Variants in PSMD5 observed in about 807,000 individuals in gnomAD.
The protein encoded by PSMD5 is proteasome 26S subunit, non-ATPase 5, also known as 26S proteasome non-ATPase regulatory subunit 5.
In PSMD5, 40 loss-of-function variants were observed where a neutral mutation model predicts 52.1. The observed-to-expected ratio is 0.77, with a 90% confidence interval of 0.60 to 1.00. PSMD5 has a LOEUF of 1.00. Ranked by LOEUF, PSMD5 falls within the 50% of genes least tolerant of loss-of-function variation. The probability of loss-of-function intolerance (pLI) is 0.00; values close to 1 mark genes in which losing one functional copy is unlikely to be tolerated. For synonymous variants in PSMD5, 211 were observed against 226.6 expected (o/e 0.93, Z 0.62); for missense variants, 575 against 605.2 (o/e 0.95, Z 0.52).
intron 7 of PSMD5, among the ~76,000 whole-genome samples, chr9:120,823,798 C>G (rs1040432903): frequency 5.9e-5 from 9 of 152,030 alleles, no homozygotes; most frequent in African/African-American, 2.2e-4. Flanking sequence ...AGGCATGAAC[C>G]ATTGTATCTC....
intron 7 of PSMD5, among the ~76,000 whole-genome samples, 200 bp from the exon 8 acceptor site, chr9:120,821,664 C>G (rs1247846750): frequency 1.3e-5 from 2 of 152,198 alleles, no homozygotes; most frequent in African/African-American, 4.8e-5. Context: ...CAATAATTCC[C>G]TTTCTTCTCT....
rs2045078260 is a variant in PSMD5 at position 120,820,832 on chromosome 9, T to A, written c.1257+7A>T. The A allele has an allele frequency of 6.4e-7, 1 of 1,561,824 alleles. No homozygotes were observed. Among genetic ancestry groups the A allele is most frequent in the African/African-American group, 1.4e-5 (1 of 72,648 alleles). On this transcript the variant is annotated splice_region_variant and intron_variant, in intron 9 of 9. Coordinates refer to ENST00000210313, the MANE Select transcript of PSMD5 (RefSeq NM_005047.4). ...TCCCAGAAGGACCTATGGAAGTGAA[T>A]ACCTACCGTAAACACTTTTAAGGCA...
At chr9:120,834,413 A>C (rs1301452694) in intron 1 of PSMD5, among the ~76,000 whole-genome samples, 1 of 152,086 alleles carries the variant, frequency 6.6e-6, no homozygotes, top group Non-Finnish European at 1.5e-5. Flanking sequence ...CAGAGGGTAC[A>C]GGGAAGGCTT....
chr9:120,818,654 C>T (rs1227154243), intron 9 of PSMD5, among the ~76,000 whole-genome samples: 1 of 151,326 alleles, frequency 6.6e-6, no homozygotes, highest in Non-Finnish European at 1.5e-5. Context: ...TCTAAATCTT[C>T]ATTTATAGGA....
Position 120,824,701 on chromosome 9 carries a change from A to G in PSMD5, c.815-16T>C. ...TTCACGAATCCTAAAGAGATTTACAAAAATATATTTTAATAGGGGAACAAG... is the reference window on the plus strand; with the variant it reads ...TTCACGAATCCTAAAGAGATTTACAGAAATATATTTTAATAGGGGAACAAG... On this transcript the variant is annotated splice_polypyrimidine_tract_variant and intron_variant, in intron 6 of 9. Coordinates refer to ENST00000210313, the MANE Select transcript of PSMD5 (RefSeq NM_005047.4). 1 of 1,577,112 alleles carries G rather than the reference A, an allele frequency of 6.3e-7. No individual in the cohort carries two copies.
Position 120,831,831 on chromosome 9 carries a change from C to T in PSMD5, c.432+1G>A. 6.2e-7 allele frequency: 1 copy of T among 1,611,814 alleles called. No homozygotes were observed. Among genetic ancestry groups the T allele is most frequent in the Non-Finnish European group, 8.5e-7 (1 of 1,179,378 alleles). ...TAAGTCAATGATTCTAGTAGACTCA[C>T]CGCTTTTGCTACAGATAGATTCTCT... On this transcript the variant is annotated splice_donor_variant, in intron 3 of 9. Coordinates refer to ENST00000210313, the MANE Select transcript of PSMD5 (RefSeq NM_005047.4). LOFTEE classifies it high-confidence loss of function.
At position 120,818,042 on chromosome 9, in the gene PSMD5, A is replaced by G; in HGVS notation, c.1379T>C (p.Val460Ala). Residue 460 changes from valine to alanine, a missense_variant, in exon 10 of 10, where the codon GTG (valine) becomes GCG (alanine). Coordinates refer to ENST00000210313, the MANE Select transcript of PSMD5 (RefSeq NM_005047.4). ...KASKDAKYEL[V>A]KALANSKTIA... ...TGTCTTGGAATTGGCAAGTGCTTTCACTAGTTCATATTTGGCATCCTTTGA... is the reference window on the plus strand; with the variant it reads ...TGTCTTGGAATTGGCAAGTGCTTTCGCTAGTTCATATTTGGCATCCTTTGA... 1 of 1,614,212 alleles carries G rather than the reference A, an allele frequency of 6.2e-7. No homozygotes were observed. Among genetic ancestry groups the G allele is most frequent in the South Asian group, 1.1e-5 (1 of 91,084 alleles).
chr9:120,822,535 TTC>T (rs1387807448), intron 7 of PSMD5, among the ~76,000 whole-genome samples: 2 of 152,164 alleles, frequency 1.3e-5, no homozygotes, highest in Non-Finnish European at 2.9e-5. Context: ...TTTTCTTTTT[TTC>T]TTTTTCTATT....
intron 1 of PSMD5, among the ~76,000 whole-genome samples, chr9:120,839,219 AG>A (rs137968045): frequency 0.014 from 2,064 of 152,332 alleles, 46 homozygotes; most frequent in African/African-American, 0.047. Context: ...GCAGATGAAA[AG>A]AAGTGGAGTG....
At chr9:120,822,183 C>T (rs1269644927) in intron 7 of PSMD5, among the ~76,000 whole-genome samples, 1 of 152,014 alleles carries the variant, frequency 6.6e-6, no homozygotes, top group Non-Finnish European at 1.5e-5. Context: ...TTAAAGTATG[C>T]TCTCATACAC....
chr9:120,841,451 C>T (rs2131441167), intron 1 of PSMD5, among the ~76,000 whole-genome samples: 1 of 152,080 alleles, frequency 6.6e-6, no homozygotes, highest in South Asian at 2.1e-4. Flanking sequence ...TGGTGGCGGG[C>T]GCCTGTAGTC....
chr9:120,821,673 C>T (rs1277521671), intron 7 of PSMD5, among the ~76,000 whole-genome samples: 1 of 152,170 alleles, frequency 6.6e-6, no homozygotes, highest in African/African-American at 2.4e-5. Flanking sequence ...CCTTTCTTCT[C>T]TACCCTCATC....
intron 1 of PSMD5, among the ~76,000 whole-genome samples, chr9:120,838,388 T>G (rs1271351085): frequency 6.6e-6 from 1 of 152,220 alleles, no homozygotes; most frequent in Non-Finnish European, 1.5e-5. Context: ...ATGCTTAAAA[T>G]TAGTCTTGTT....
chr9:120,830,644 T>C (rs2045153220), intron 4 of PSMD5, among the ~76,000 whole-genome samples: 1 of 152,144 alleles, frequency 6.6e-6, no homozygotes, highest in Admixed American at 6.5e-5. Context: ...CTATAGAGGA[T>C]TCTATTTCAA....
intron 6 of PSMD5, 101 bp from the exon 7 acceptor site, chr9:120,824,786 A>G (rs531993448): frequency 1.0e-6 from 1 of 990,482 alleles, no homozygotes; most frequent in East Asian, 2.6e-5. Flanking sequence ...CAGGCCAGAA[A>G]AGCATAGAAA....
rs2045049301 is a variant in PSMD5, at chr9:120,817,258, T to G, written c.*648A>C. 6.6e-6 allele frequency: 1 copy of G among 152,082 alleles called. No individual in the cohort carries two copies. The highest frequency in any genetic ancestry group is 1.9e-4 in the East Asian group (1 of 5,202). The allele number at this position is 152,082 out of a possible 1,614,324, so 9.4% of individuals were successfully genotyped here. A position where few individuals can be genotyped will look rare whatever the true frequency, so the allele number is the denominator to read the frequency against. ...TGAAGAGAATCCAGAAATAATTTGG[T>G]GGCAGGTTTTTATTTTATTCATTTA... On this transcript the variant is annotated 3_prime_UTR_variant, in exon 10 of 10. Transcript: ENST00000210313.
At chr9:120,838,009 A>T (rs2045209528) in intron 1 of PSMD5, among the ~76,000 whole-genome samples, 1 of 152,246 alleles carries the variant, frequency 6.6e-6, no homozygotes, top group Admixed American at 6.5e-5. Context: ...AAACAAAAGA[A>T]TACATAATGT....
In PSMD5 at chr9:120,842,780, G is replaced by C; in HGVS notation, c.130C>G (p.Leu44Val). ...LNELRQQAAE[L>V]RLGPLFSLLN... ...AGGGAGAAGAGCGGGCCGAGGCGCA[G>C]CTCCGCCGCTTGCTGGCGAAGCTCG... Residue 44 changes from leucine (L) to valine (V), a missense_variant, in exon 1 of 10, where the codon CTG (leucine) becomes GTG (valine). Coordinates refer to ENST00000210313, the MANE Select transcript of PSMD5 (RefSeq NM_005047.4). 6.2e-7 allele frequency: 1 copy of C among 1,613,018 alleles called. No homozygotes were observed. The highest frequency in any genetic ancestry group is 1.1e-5 in the South Asian group (1 of 91,056).
chr9:120,830,135 T>C (rs751885299), intron 4 of PSMD5, among the ~76,000 whole-genome samples: 1 of 152,114 alleles, frequency 6.6e-6, no homozygotes. Context: ...CAACAAAATA[T>C]GATGACCGAA....
Sources: gnomAD v4.1 joint callset for allele counts (sites outside exome capture counted in the v4.1 genomes callset) on GRCh38, gnomAD v4.1.1 for gene constraint, MANE v1.5 for transcripts, NCBI Gene and HGNC (gene_info 2026-07-23, HGNC 2026-07-21) for gene names.